PEPD: variants seen among roughly 807,000 people sequenced by gnomAD.
PEPD encodes xaa-Pro dipeptidase.
Under a neutral mutation model 60.7 loss-of-function variants are expected in PEPD, and 53 were observed. The observed-to-expected ratio is 0.87, with a 90% CI of 0.70 to 1.10. PEPD has a LOEUF of 1.10. Ranked by LOEUF, PEPD falls within the 50% of genes least tolerant of loss-of-function variation. The pLI is 0.00. For synonymous variants in PEPD, 267 were observed against 284.1 expected (o/e 0.94, Z 0.60); for missense variants, 711 against 711.9 (o/e 1.00, Z 0.01).
At chr19:33,424,656 C>A (rs1307410585) in intron 9 of PEPD, among the ~76,000 whole-genome samples, 2 of 152,048 alleles carry the variant, frequency 1.3e-5, no homozygotes, top group Admixed American at 6.5e-5. Flanking sequence ...CCTGGACAAT[C>A]TAGTGAGACC....
intron 13 of PEPD, among the ~76,000 whole-genome samples, chr19:33,389,400 C>T (rs527328980): frequency 3.2e-4 from 48 of 152,328 alleles, no homozygotes; most frequent in African/African-American, 9.1e-4. Flanking sequence ...GCATGTGGAC[C>T]GAGCTGGGGC....
At chr19:33,506,366 C>T (rs1970810444) in intron 3 of PEPD, among the ~76,000 whole-genome samples, 1 of 145,836 alleles carries the variant, frequency 6.9e-6, no homozygotes, top group African/African-American at 2.5e-5. Flanking sequence ...ACACCCACCA[C>T]ACCCCATCAC....
At position 33,495,945 on chromosome 19, in the gene PEPD, C is replaced by G. The variant is rs536194067; in HGVS notation, c.394-2608G>C. On this transcript the variant is annotated intron_variant, in intron 4 of 14. Transcript: ENST00000244137. ...TCAGTGAGTCGTGACTGCGCCACTG[C>G]ACCCCAGCCTGGGGGGCAAGAATGC... 7.2e-5 allele frequency among the ~76,000 whole-genome samples: 11 copies of G among 152,220 alleles called. No homozygotes were observed. In the East Asian group the frequency reaches 1.9e-3, roughly 27 times the overall value.
intron 4 of PEPD, among the ~76,000 whole-genome samples, chr19:33,499,618 G>C (rs987265862): frequency 5.3e-5 from 8 of 152,238 alleles, no homozygotes; most frequent in Non-Finnish European, 1.2e-4. Flanking sequence ...CAGCGTCCAT[G>C]GTGTCCACAA....
At chr19:33,419,973 G>A (rs1461805723) in intron 9 of PEPD, among the ~76,000 whole-genome samples, 1 of 152,200 alleles carries the variant, frequency 6.6e-6, no homozygotes, top group Admixed American at 6.5e-5. Flanking sequence ...ACAACAGACA[G>A]GAGCAGCTCA....
intron 9 of PEPD, among the ~76,000 whole-genome samples, chr19:33,415,233 G>A (rs889790677): frequency 1.3e-5 from 2 of 152,208 alleles, no homozygotes; most frequent in African/African-American, 2.4e-5. Flanking sequence ...GGTCATTCTC[G>A]ACGTGATGGC....
intron 9 of PEPD, 85 bp downstream of exon 9, chr19:33,462,910 C>T (rs1054420010): frequency 1.5e-5 from 12 of 827,494 alleles, no homozygotes; most frequent in East Asian, 4.8e-5. Flanking sequence ...TGTGCCACTG[C>T]GGCGTCTCAT....
At chr19:33,432,941 T>C (rs1969304125) in intron 9 of PEPD, among the ~76,000 whole-genome samples, 1 of 152,236 alleles carries the variant, frequency 6.6e-6, no homozygotes, top group South Asian at 2.1e-4. Flanking sequence ...TCCTCGGCTA[T>C]AGCAGCTAGC....
intron 3 of PEPD, among the ~76,000 whole-genome samples, chr19:33,508,807 G>A (rs541175080): frequency 6.6e-6 from 1 of 152,368 alleles, no homozygotes; most frequent in East Asian, 1.9e-4. Flanking sequence ...GATGTCACCT[G>A]CAGACAGCGA....
At chr19:33,389,083 G>A (rs1968150486) in intron 13 of PEPD, 1 of 152,378 alleles carries the variant, frequency 6.6e-6, no homozygotes. Context: ...CTGTTTGGGG[G>A]CCAAGAACAT....
At chr19:33,422,747 TTC>T (rs1460088871) in intron 9 of PEPD, among the ~76,000 whole-genome samples, 1 of 151,336 alleles carries the variant, frequency 6.6e-6, no homozygotes, top group Non-Finnish European at 1.5e-5. Flanking sequence ...AATCATCTAT[TTC>T]TGTCAACCTA....
chr19:33,416,379 C>T (rs1303981393), intron 9 of PEPD, among the ~76,000 whole-genome samples: 1 of 152,216 alleles, frequency 6.6e-6, no homozygotes, highest in Non-Finnish European at 1.5e-5. Flanking sequence ...TAATTAACAC[C>T]TGGAACAGGC....
intron 7 of PEPD, among the ~76,000 whole-genome samples, chr19:33,467,494 T>C (rs573113717): frequency 7.9e-5 from 12 of 151,992 alleles, no homozygotes; most frequent in South Asian, 2.1e-4. Flanking sequence ...AAAAGATGTG[T>C]AGAGAGAGCA....
intron 13 of PEPD, among the ~76,000 whole-genome samples, chr19:33,390,594 G>A (rs1968193401): frequency 6.7e-6 from 1 of 150,188 alleles, no homozygotes. Flanking sequence ...GCCAAGGGCA[G>A]GGATGGGAGC....
At chr19:33,455,497 T>C (rs534856379) in intron 9 of PEPD, among the ~76,000 whole-genome samples, 1 of 151,468 alleles carries the variant, frequency 6.6e-6, no homozygotes, top group African/African-American at 2.4e-5. Context: ...GGTTTTTGGC[T>C]TTTTTTTCTC....
chr19:33,436,335 C>T (rs1969375779), intron 9 of PEPD, among the ~76,000 whole-genome samples: 1 of 152,150 alleles, frequency 6.6e-6, no homozygotes, highest in Non-Finnish European at 1.5e-5. Context: ...GCAGCCTTCC[C>T]AGCAGGCCCC....
rs1969951892 is a variant in PEPD, at chr19:33,462,832, C to A, written c.671+163G>T. The A allele has an allele frequency of 8.6e-6, 6 of 700,662 alleles. No homozygotes were observed. The East Asian group carries it at 1.6e-4, about 18-fold the overall frequency. 43.4% of individuals were successfully genotyped at this position (700,662 alleles called of 1,614,324 possible). ...CTGCCAAGAGCCAGGGAGGCGGGCG[C>A]AGTCAGAAGAAAAATAATCTTTGCT... On this transcript the variant is annotated intron_variant, in intron 9 of 14. Coordinates refer to ENST00000244137, the MANE Select transcript of PEPD (RefSeq NM_000285.4).
chr19:33,481,716 C>T (rs779523153), intron 6 of PEPD, among the ~76,000 whole-genome samples: 5 of 151,994 alleles, frequency 3.3e-5, no homozygotes, highest in Non-Finnish European at 7.4e-5. Flanking sequence ...AAAGAATTAA[C>T]ACCAATCTTC....
At chr19:33,397,368 G>A (rs1447311736) in intron 12 of PEPD, among the ~76,000 whole-genome samples, 1 of 149,960 alleles carries the variant, frequency 6.7e-6, no homozygotes, top group Non-Finnish European at 1.5e-5. Flanking sequence ...TCTCGGTGGG[G>A]TGTTTGTCTT....
Sources: gnomAD v4.1 joint callset for allele counts (sites outside exome capture counted in the v4.1 genomes callset) on GRCh38, gnomAD v4.1.1 for gene constraint, MANE v1.5 for transcripts, NCBI Gene and HGNC (gene_info 2026-07-23, HGNC 2026-07-21) for gene names.